PDGFD: variants seen among roughly 807,000 people sequenced by gnomAD.
The protein encoded by PDGFD is platelet derived growth factor D.
PDGFD carries 30 observed loss-of-function variants against 44.7 expected under a neutral mutation model. The ratio of observed to expected loss-of-function variants is 0.67; its 90% CI spans 0.50 to 0.91. The LOEUF is 0.91. Among genes scored for constraint, PDGFD ranks in the 40% least tolerant of loss-of-function variants. PDGFD has a pLI of 0.00. For synonymous variants in PDGFD, 173 were observed against 168.4 expected, an observed-to-expected ratio of 1.03 and a Z score of -0.21; for missense variants, 445 against 457.8, an observed-to-expected ratio of 0.97 and a Z score of 0.25.
chr11:104,094,154 C>T (rs1304197444), intron 1 of PDGFD, among the ~76,000 whole-genome samples: 1 of 151,976 alleles, frequency 6.6e-6, no homozygotes, highest in Non-Finnish European at 1.5e-5. Flanking sequence ...GTGCTTGGCA[C>T]AATAGCCACC....
intron 1 of PDGFD, among the ~76,000 whole-genome samples, chr11:104,071,602 T>A (rs1243706737): frequency 6.6e-6 from 1 of 151,912 alleles, no homozygotes; most frequent in Non-Finnish European, 1.5e-5. Context: ...TTGTTTTTTG[T>A]CAGTGGTCCT....
chr11:104,148,167 C>A (rs1862189838), intron 1 of PDGFD, among the ~76,000 whole-genome samples: 1 of 152,152 alleles, frequency 6.6e-6, no homozygotes, highest in Non-Finnish European at 1.5e-5. Context: ...CTAGCAACAT[C>A]AACTGTACCA....
intron 1 of PDGFD, among the ~76,000 whole-genome samples, chr11:104,067,258 A>G (rs1342840347): frequency 6.6e-6 from 1 of 152,192 alleles, no homozygotes; most frequent in Non-Finnish European, 1.5e-5. Flanking sequence ...GGATCAAACA[A>G]GACCTTGAGG....
intron 1 of PDGFD, among the ~76,000 whole-genome samples, chr11:104,098,109 C>A (rs1861311222): frequency 6.6e-6 from 1 of 152,184 alleles, no homozygotes; most frequent in South Asian, 2.1e-4. Flanking sequence ...GGGTTCTCAA[C>A]TTCTACATGA....
chr11:104,015,328 G>A (rs1859844646), intron 1 of PDGFD, among the ~76,000 whole-genome samples: 2 of 152,114 alleles, frequency 1.3e-5, no homozygotes, highest in Admixed American at 6.6e-5. Context: ...AGATTGACAG[G>A]GTACTGCTTG....
chr11:104,036,612 C>T, intron 1 of PDGFD: 1 of 591,600 alleles, frequency 1.7e-6, no homozygotes, highest in Non-Finnish European at 3.0e-6. Flanking sequence ...CGTGCTACCT[C>T]AAGGCTCCAC....
chr11:104,064,849 A>C lies in PDGFD; in HGVS notation c.125-64594T>G, dbSNP rs368421136. ...TTAACAATACATAGTTAATACAAAA[A>C]TACAGTCACCAGACTACTGTGATGG... is the stretch of plus-strand genomic sequence containing the variant. On this transcript the variant is annotated intron_variant, in intron 1 of 6. Transcript: ENST00000393158. Among the ~76,000 whole-genome samples the C allele has an allele frequency of 4.2e-4, 64 of 152,362 alleles. No homozygotes were observed. In the South Asian group the frequency reaches 0.011, roughly 26 times the overall value.
chr11:104,137,554 C>T (rs1862026551), intron 1 of PDGFD, among the ~76,000 whole-genome samples: 1 of 152,030 alleles, frequency 6.6e-6, no homozygotes, highest in African/African-American at 2.4e-5. Flanking sequence ...AGTACTGAGT[C>T]TCTTTAGTAT....
chr11:103,907,709 G>T lies in PDGFD; in HGVS notation c.*1985C>A, dbSNP rs1857957772. On this transcript the variant is annotated 3_prime_UTR_variant, in exon 7 of 7. Coordinates refer to ENST00000393158, the MANE Select transcript of PDGFD (RefSeq NM_025208.5). ...TTACAGCTACATTGTGAGCTGTTCAGGTTAGAGTGATGTAACGTTCATTTT... is the reference window on the plus strand; with the variant it reads ...TTACAGCTACATTGTGAGCTGTTCATGTTAGAGTGATGTAACGTTCATTTT... The T allele has an allele frequency of 6.6e-6, 1 of 152,310 alleles. No homozygotes were observed. Among genetic ancestry groups the T allele is most frequent in the East Asian group, 1.9e-4 (1 of 5,188 alleles). The allele number at this position is 152,310 out of a possible 1,614,324, so 9.4% of individuals were successfully genotyped here. A position where few individuals can be genotyped will look rare whatever the true frequency, so the allele number is the denominator to read the frequency against.
At chr11:104,067,196 C>T (rs1860802197) in intron 1 of PDGFD, among the ~76,000 whole-genome samples, 2 of 152,186 alleles carry the variant, frequency 1.3e-5, no homozygotes, top group Admixed American at 1.3e-4. Flanking sequence ...ACTAAAGCAG[C>T]CATTTCTGTA....
At chr11:103,949,710 AAC>A (rs1204169593) in intron 3 of PDGFD, among the ~76,000 whole-genome samples, 1 of 152,234 alleles carries the variant, frequency 6.6e-6, no homozygotes, top group African/African-American at 2.4e-5. Flanking sequence ...TCGAAACGTA[AAC>A]ACACAAATAA....
intron 1 of PDGFD, among the ~76,000 whole-genome samples, chr11:104,157,526 T>C (rs1161084412): frequency 6.6e-6 from 1 of 152,166 alleles, no homozygotes; most frequent in African/African-American, 2.4e-5. Context: ...TATTCACACC[T>C]GGAAATCTTG....
At chr11:104,111,050 T>C (rs748883960) in intron 1 of PDGFD, among the ~76,000 whole-genome samples, 8 of 152,078 alleles carry the variant, frequency 5.3e-5, no homozygotes, top group Non-Finnish European at 8.8e-5. Context: ...ACAGTGGTTA[T>C]TATGTAAAAG....
At chr11:103,912,328 C>T (rs1858040832) in intron 6 of PDGFD, among the ~76,000 whole-genome samples, 1 of 152,226 alleles carries the variant, frequency 6.6e-6, no homozygotes, top group African/African-American at 2.4e-5. Flanking sequence ...CAATATTCCA[C>T]ATTCTTAAAG....
intron 1 of PDGFD, among the ~76,000 whole-genome samples, chr11:104,040,837 G>C (rs148608110): frequency 6.6e-6 from 1 of 151,488 alleles, no homozygotes; most frequent in Non-Finnish European, 1.5e-5. Flanking sequence ...AAACAAAAAG[G>C]ATTCTTGAAA....
chr11:104,107,489 T>C (rs942746807), intron 1 of PDGFD, among the ~76,000 whole-genome samples: 14 of 152,200 alleles, frequency 9.2e-5, no homozygotes. Flanking sequence ...AAACTGTGCC[T>C]GGATTTCTGA....
At chr11:104,040,370 CAAAAT>C (rs1157196340) in intron 1 of PDGFD, among the ~76,000 whole-genome samples, 2 of 151,974 alleles carry the variant, frequency 1.3e-5, no homozygotes, top group African/African-American at 4.8e-5. Context: ...AATCATTAAA[CAAAAT>C]GAATTAATTA....
chr11:103,987,863 G>A (rs766200416), intron 3 of PDGFD, among the ~76,000 whole-genome samples: 16 of 152,022 alleles, frequency 1.1e-4, no homozygotes, highest in South Asian at 4.1e-4. Context: ...CCAGCAATTC[G>A]CTCCTTTGTG....
At chr11:103,964,367 GGTT>G (rs1858982593) in intron 3 of PDGFD, among the ~76,000 whole-genome samples, 1 of 152,036 alleles carries the variant, frequency 6.6e-6, no homozygotes, top group Admixed American at 6.6e-5. Flanking sequence ...GACATTTCAG[GGTT>G]GTTAATGCAG....
Sources: allele counts gnomAD v4.1 joint callset (sites outside exome capture counted in the v4.1 genomes callset), GRCh38; gene constraint gnomAD v4.1.1; transcripts MANE v1.5; gene names NCBI Gene and HGNC (gene_info 2026-07-23, HGNC 2026-07-21).